The following F13A1 variants were observed in gnomAD, a reference collection of about 807,000 sequenced individuals.
The protein encoded by F13A1 is coagulation factor XIII A chain, also known as FSF, A subunit.
A neutral mutation model predicts 80.1 loss-of-function variants in F13A1; 47 were observed. The observed-to-expected ratio is 0.59, with a 90% CI of 0.46 to 0.75. The LOEUF is 0.75. Among genes scored for constraint, F13A1 ranks in the 30% least tolerant of loss-of-function variants. The pLI, the probability that F13A1 is intolerant of heterozygous loss-of-function variation, is 0.00. For synonymous variants in F13A1, 349 were observed against 344.9 expected, an observed-to-expected ratio of 1.01 and a Z score of -0.13; for missense variants, 817 against 930.4, an observed-to-expected ratio of 0.88 and a Z score of 1.59.
intron 8 of F13A1, among the ~76,000 whole-genome samples, chr6:6,216,031 AC>A (rs1353432712): frequency 7.2e-5 from 10 of 139,544 alleles, no homozygotes; most frequent in Non-Finnish European, 1.2e-4. Flanking sequence ...AAAAGAGGAT[AC>A]AAACAAATGG....
Position 6,175,007 on chromosome 6 carries a change from G to A in F13A1, c.1460-140C>T, listed in dbSNP as rs547073301. ...CAGACCTCCCCAGGAGGAGGGTGCCGTCATTATTCCTATGTTATAAATTCT... is the reference window on the plus strand; with the variant it reads ...CAGACCTCCCCAGGAGGAGGGTGCCATCATTATTCCTATGTTATAAATTCT... On this transcript the variant is annotated intron_variant, in intron 11 of 14. Coordinates refer to ENST00000264870, the MANE Select transcript of F13A1 (RefSeq NM_000129.4). 1,016 of 1,014,636 alleles carry A rather than the reference G, an allele frequency of 1.0e-3. 4 individuals are homozygous for A. The highest frequency in any genetic ancestry group is 2.1e-3 in the South Asian group (149 of 69,314). 62.9% of individuals were successfully genotyped at this position (1,014,636 alleles called of 1,614,324 possible).
chr6:6,146,134 C>A (rs557939237), intron 14 of F13A1, among the ~76,000 whole-genome samples: 54 of 152,284 alleles, frequency 3.5e-4, no homozygotes, highest in Non-Finnish European at 5.7e-4. Context: ...ATCTTCTGAG[C>A]CTCAGCTCAG....
chr6:6,199,482 G>T (rs2151083328), intron 8 of F13A1, among the ~76,000 whole-genome samples: 1 of 147,134 alleles, frequency 6.8e-6, no homozygotes, highest in South Asian at 2.2e-4. Context: ...GACAGAGCGA[G>T]ACTCCATCTC....
chr6:6,284,901 G>A (rs1360391315), intron 3 of F13A1, among the ~76,000 whole-genome samples: 1 of 152,100 alleles, frequency 6.6e-6, no homozygotes, highest in Non-Finnish European at 1.5e-5. Flanking sequence ...AGTCACTTCG[G>A]CCAGTCGTGT....
At chr6:6,277,657 T>C (rs1357272594) in intron 3 of F13A1, among the ~76,000 whole-genome samples, 5 of 152,218 alleles carry the variant, frequency 3.3e-5, no homozygotes, top group African/African-American at 9.6e-5. Flanking sequence ...TTTCTCCTGG[T>C]AAGAGACTAT....
chr6:6,260,421 T>A (rs1020798745), intron 4 of F13A1, among the ~76,000 whole-genome samples: 2 of 152,168 alleles, frequency 1.3e-5, no homozygotes, highest in Non-Finnish European at 2.9e-5. Context: ...GGAAACAGTT[T>A]TCCTTCTTAT....
intron 14 of F13A1, among the ~76,000 whole-genome samples, chr6:6,146,967 C>T (rs1189573594): frequency 1.3e-5 from 2 of 152,150 alleles, no homozygotes; most frequent in Non-Finnish European, 2.9e-5. Flanking sequence ...TGGAATACTA[C>T]TCAGCCATAA....
intron 8 of F13A1, among the ~76,000 whole-genome samples, chr6:6,209,630 C>G (rs1367000576): frequency 6.6e-6 from 1 of 152,120 alleles, no homozygotes; most frequent in African/African-American, 2.4e-5. Context: ...TAAATAAAAC[C>G]TGGTTTATCC....
chr6:6,161,689 A>G (rs534883941), intron 13 of F13A1, among the ~76,000 whole-genome samples: 6 of 152,114 alleles, frequency 3.9e-5, no homozygotes, highest in Non-Finnish European at 5.9e-5. Flanking sequence ...TGTGCTCATT[A>G]AAGTTTAATG....
chr6:6,259,519 G>A lies in F13A1; in HGVS notation c.571+7039C>T, dbSNP rs114099907. 6.3e-3 allele frequency among the ~76,000 whole-genome samples: 960 copies of A among 152,236 alleles called. 9 individuals carry two copies. The highest frequency in any genetic ancestry group is 0.022 in the African/African-American group (910 of 41,544). On this transcript the variant is annotated intron_variant, in intron 4 of 14. Transcript: ENST00000264870. Reference sequence around the variant, plus strand: ...ATTGAATAAAAAGGAAATATTAGATGCTAATTTGGTGTCAGATGCTAAGAG... The same window carrying A: ...ATTGAATAAAAAGGAAATATTAGATACTAATTTGGTGTCAGATGCTAAGAG...
rs1056994490 is a variant in F13A1 at position 6,229,181 on chromosome 6, T to C, written c.799-4321A>G. ...GACAAGAATGATGCAAGTTTGAGCA[T>C]AAATATAGGGAAAAGAAACTGCATG... is the stretch of plus-strand genomic sequence containing the variant. On this transcript the variant is annotated intron_variant, in intron 6 of 14. Transcript: ENST00000264870. 7.6e-4 allele frequency among the ~76,000 whole-genome samples: 116 copies of C among 151,976 alleles called. 9 individuals carry two copies. The highest frequency in any genetic ancestry group is 2.4e-5 in the African/African-American group (1 of 41,366).
At chr6:6,235,902 T>C (rs986922987) in intron 6 of F13A1, among the ~76,000 whole-genome samples, 2 of 152,008 alleles carry the variant, frequency 1.3e-5, no homozygotes, top group Non-Finnish European at 2.9e-5. Context: ...TAAATGTCCA[T>C]CCACAAGTAA....
At chr6:6,220,431 GC>G (rs1160532713) in intron 8 of F13A1, among the ~76,000 whole-genome samples, 1 of 152,140 alleles carries the variant, frequency 6.6e-6, no homozygotes, top group African/African-American at 2.4e-5. Flanking sequence ...TCTGTTTAGG[GC>G]CTGTGGGGTT....
intron 10 of F13A1, among the ~76,000 whole-genome samples, chr6:6,185,631 T>A (rs1761067393): frequency 6.6e-6 from 1 of 151,822 alleles, no homozygotes; most frequent in African/African-American, 2.4e-5. Flanking sequence ...TTGTTGGACA[T>A]TTGGGTTGGT....
chr6:6,159,452 A>G (rs1053927240), intron 13 of F13A1, among the ~76,000 whole-genome samples: 1 of 152,194 alleles, frequency 6.6e-6, no homozygotes, highest in South Asian at 2.1e-4. Context: ...TAGTGTCCCA[A>G]GTTGGAAGAG....
chr6:6,288,506 C>T (rs1217401620), intron 3 of F13A1, among the ~76,000 whole-genome samples: 1 of 152,180 alleles, frequency 6.6e-6, no homozygotes, highest in Non-Finnish European at 1.5e-5. Flanking sequence ...AATTTTCCTT[C>T]TTCTAAGGGC....
intron 11 of F13A1, 58 bp downstream of exon 11, chr6:6,181,930 T>A: frequency 6.3e-7 from 1 of 1,588,788 alleles, no homozygotes; most frequent in Admixed American, 1.7e-5. Context: ...TGAGTGACAA[T>A]GAATAAGTAC....
chr6:6,183,328 G>A (rs1401479909), intron 10 of F13A1, among the ~76,000 whole-genome samples: 1 of 152,264 alleles, frequency 6.6e-6, no homozygotes, highest in Admixed American at 6.5e-5. Context: ...CATAGTGTCT[G>A]GCATAGAGTA....
At chr6:6,284,042 T>C (rs1295334255) in intron 3 of F13A1, among the ~76,000 whole-genome samples, 1 of 152,220 alleles carries the variant, frequency 6.6e-6, no homozygotes, top group African/African-American at 2.4e-5. Flanking sequence ...TACCAACCCA[T>C]ATAAATCTAA....
Sources: allele counts gnomAD v4.1 joint callset (sites outside exome capture counted in the v4.1 genomes callset), GRCh38; gene constraint gnomAD v4.1.1; transcripts MANE v1.5; gene names NCBI Gene and HGNC (gene_info 2026-07-23, HGNC 2026-07-21).